SPIRE1: variants seen among roughly 807,000 people sequenced by gnomAD.
SPIRE1 encodes the protein spire type actin nucleation factor 1, also known as protein spire homolog 1.
In SPIRE1, 40 loss-of-function variants were observed where a neutral mutation model predicts 94.1. The observed-to-expected ratio is 0.43, with a 90% CI of 0.33 to 0.55. SPIRE1 has a LOEUF of 0.55. Among genes scored for constraint, SPIRE1 ranks in the 20% least tolerant of loss-of-function variants. The pLI is 0.06. For synonymous variants in SPIRE1, 376 were observed against 371.7 expected, an observed-to-expected ratio of 1.01 and a Z score of -0.13; for missense variants, 838 against 975.2, an observed-to-expected ratio of 0.86 and a Z score of 1.87.
At position 12,463,463 on chromosome 18, in the gene SPIRE1, G is replaced by A. The variant is rs2031958144; in HGVS notation, c.1526C>T (p.Thr509Ile). Residue 509 changes from threonine (T) to isoleucine (I), a missense_variant, in exon 12 of 17, where the codon ACA (threonine) becomes ATA (isoleucine). Transcript: ENST00000409402. ...KPPKFLPISSTPQPERRQPPQ... is the reference protein window; with the variant it reads ...KPPKFLPISSIPQPERRQPPQ... ...TGGCTGCCGTCTCTCTGGCTGGGGT[G>A]TTGATGATATGGGCAGGAATTTTGG... 1.2e-6 allele frequency: 2 copies of A among 1,613,586 alleles called. No individual in the cohort carries two copies. Among genetic ancestry groups the A allele is most frequent in the South Asian group, 1.1e-5 (1 of 91,012 alleles).
At chr18:12,464,061 T>G (rs2031988153) in intron 11 of SPIRE1, among the ~76,000 whole-genome samples, 1 of 152,224 alleles carries the variant, frequency 6.6e-6, no homozygotes, top group Non-Finnish European at 1.5e-5. Context: ...TGCTTCCTCC[T>G]ACTCTATCTA....
rs745372632 is a variant in SPIRE1, at chr18:12,546,693, G to A, written c.584C>T (p.Ser195Leu). The part of the protein sequence containing the change: ...DEKRKISAIR[S>L]YRDVMKLCAA... The stretch of plus-strand genomic sequence containing the variant: ...CCTTACCTTCATGACATCTCTATAT[G>A]ACCGAATAGCTGAGATTTTTCTCTT... The change falls in exon 3 of 17, where the codon TCA becomes TTA. Residue 195 changes from serine to leucine, a missense_variant. Physicochemically the swap from Ser to Leu is moderately radical, Grantham distance 145. Around this residue, in one of 2 missense-constraint regions of SPIRE1, gnomAD observed 645 missense variants for 804.7 expected, o/e 0.80. Transcript: ENST00000409402. The A allele has an allele frequency of 6.2e-7, 1 of 1,612,728 alleles. No individual in the cohort carries two copies. Among genetic ancestry groups the A allele is most frequent in the Admixed American group, 1.7e-5 (1 of 59,966 alleles).
intron 6 of SPIRE1, among the ~76,000 whole-genome samples, chr18:12,502,013 T>C (rs751453905): frequency 6.6e-6 from 1 of 152,198 alleles, no homozygotes; most frequent in Non-Finnish European, 1.5e-5. Context: ...TAATTATTTA[T>C]GCTAGCAAAC....
At chr18:12,612,049 C>T (rs2037157910) in intron 2 of SPIRE1, among the ~76,000 whole-genome samples, 1 of 152,092 alleles carries the variant, frequency 6.6e-6, no homozygotes, top group Non-Finnish European at 1.5e-5. Context: ...TTTATTTATT[C>T]ACTATCTCTG....
chr18:12,603,303 G>A (rs1320805149), intron 2 of SPIRE1, among the ~76,000 whole-genome samples: 1 of 152,128 alleles, frequency 6.6e-6, no homozygotes, highest in Non-Finnish European at 1.5e-5. Context: ...GTCTGTAACT[G>A]TGTTTGCTTT....
chr18:12,517,884 C>T lies in SPIRE1; in HGVS notation c.730-5353G>A, dbSNP rs538921952. ...TAAAATAATAATGTATTTTTTATGA[C>T]AGCATTTTAATGATCACCATTTCCA... On this transcript the variant is annotated intron_variant, in intron 4 of 16. Transcript: ENST00000409402. Among the ~76,000 whole-genome samples the T allele has an allele frequency of 3.3e-5, 5 of 152,226 alleles. No individual in the cohort carries two copies. In the South Asian group the frequency reaches 1.0e-3, roughly 32 times the overall value.
intron 2 of SPIRE1, among the ~76,000 whole-genome samples, chr18:12,594,642 C>A (rs2036621898): frequency 6.6e-6 from 1 of 152,136 alleles, no homozygotes; most frequent in African/African-American, 2.4e-5. Context: ...TTTTCCTTTG[C>A]TTTTGCTTAT....
At chr18:12,573,160 T>C (rs1293049549) in intron 2 of SPIRE1, among the ~76,000 whole-genome samples, 1 of 151,946 alleles carries the variant, frequency 6.6e-6, no homozygotes, top group African/African-American at 2.4e-5. Context: ...AACAACCCAA[T>C]TATATAATAG....
rs952417668 is a variant in SPIRE1, at chr18:12,577,156, T to A, written c.373-30252A>T. 4.6e-5 allele frequency among the ~76,000 whole-genome samples: 7 copies of A among 152,024 alleles called. No homozygotes were observed. In the South Asian group the frequency reaches 6.2e-4, roughly 14 times the overall value. ...TACAAAAATTATTATTATTATTATT[T>A]TTATTTTTTGAGACGGAGTCTAGCT... On this transcript the variant is annotated intron_variant, in intron 2 of 16. Coordinates refer to ENST00000409402, the MANE Select transcript of SPIRE1 (RefSeq NM_001128626.2).
rs1443984561 is a variant in SPIRE1 at position 12,603,012 on chromosome 18, C to A, written c.372+32050G>T. 3.9e-5 allele frequency among the ~76,000 whole-genome samples: 6 copies of A among 152,168 alleles called. No homozygotes were observed. The East Asian group carries it at 1.2e-3, about 29-fold the overall frequency. On this transcript the variant is annotated intron_variant, in intron 2 of 16. Transcript: ENST00000409402. ...ATCCTGATAAGCTCATTGAAAATAC[C>A]ATATAGTGAAAATGCATCTAATACA...
rs1462173480 is a variant in SPIRE1, at chr18:12,452,702, T to C, written c.1848-190A>G. ...AATCTACAGAACTTAACTCTTACAC[T>C]GTCTCCTATAAAAGGATCAACTTAC... On this transcript the variant is annotated intron_variant, in intron 14 of 16. Coordinates refer to ENST00000409402, the MANE Select transcript of SPIRE1 (RefSeq NM_001128626.2). 9.3e-6 allele frequency: 6 copies of C among 647,574 alleles called. No homozygotes were observed. The Admixed American group carries it at 1.1e-4, about 11-fold the overall frequency. The allele number at this position is 647,574 out of a possible 1,614,324, so 40.1% of individuals were successfully genotyped here.
intron 1 of SPIRE1, among the ~76,000 whole-genome samples, chr18:12,639,291 C>T (rs2038020816): frequency 6.6e-6 from 1 of 151,988 alleles, no homozygotes; most frequent in Admixed American, 6.5e-5. Context: ...GGTGAAGTCA[C>T]AGGATTTGTA....
At chr18:12,526,648 A>T (rs935213082) in intron 4 of SPIRE1, among the ~76,000 whole-genome samples, 1 of 152,202 alleles carries the variant, frequency 6.6e-6, no homozygotes, top group Non-Finnish European at 1.5e-5. Flanking sequence ...GTAAGTATGG[A>T]ATAAACGTTA....
intron 4 of SPIRE1, among the ~76,000 whole-genome samples, chr18:12,514,066 T>G (rs1178607410): frequency 6.6e-6 from 1 of 152,006 alleles, no homozygotes; most frequent in South Asian, 2.1e-4. Flanking sequence ...GGTGTCGAAC[T>G]CGTCAGCTTG....
chr18:12,498,044 C>A (rs190059877), intron 6 of SPIRE1, among the ~76,000 whole-genome samples: 1 of 152,136 alleles, frequency 6.6e-6, no homozygotes. Context: ...GGAGGAAGCT[C>A]CCTTATCCAA....
chr18:12,571,199 C>T lies in SPIRE1; in HGVS notation c.373-24295G>A, dbSNP rs533404044. ...AAGCAATTCTCCTGCCTTAGCCTCC[C>T]GAGTAGCTGGGATTACAGGTGCCAG... On this transcript the variant is annotated intron_variant, in intron 2 of 16. Coordinates refer to ENST00000409402, the MANE Select transcript of SPIRE1 (RefSeq NM_001128626.2). Among the ~76,000 whole-genome samples, 4 of 152,138 alleles carry T rather than the reference C, an allele frequency of 2.6e-5. No homozygotes were observed. The South Asian group carries it at 8.3e-4, about 32-fold the overall frequency.
chr18:12,452,559 C>G, intron 14 of SPIRE1, 47 bp from the exon 15 acceptor site: 2 of 1,602,578 alleles, frequency 1.2e-6, no homozygotes. Context: ...CCAGGGGACG[C>G]AACTGGGAGT....
chr18:12,550,917 G>A (rs1048246943), intron 2 of SPIRE1, among the ~76,000 whole-genome samples: 11 of 152,266 alleles, frequency 7.2e-5, no homozygotes, highest in East Asian at 3.9e-4. Context: ...CCTTCCTCCT[G>A]CAACTGTTTA....
chr18:12,474,818 CAA>C (rs1208881495), intron 10 of SPIRE1, among the ~76,000 whole-genome samples: 216 of 151,860 alleles, frequency 1.4e-3, no homozygotes, highest in African/African-American at 4.9e-3. Context: ...GGCTCCATCT[CAA>C]AAAACCCCCC....
Sources: allele counts gnomAD v4.1 joint callset (sites outside exome capture counted in the v4.1 genomes callset), GRCh38; gene constraint gnomAD v4.1.1; regional missense constraint gnomAD v4.1.1; transcripts MANE v1.5; gene names NCBI Gene and HGNC (gene_info 2026-07-23, HGNC 2026-07-21).